The following MACROD2 variants were observed in gnomAD, a reference collection of about 807,000 sequenced individuals.
MACROD2 encodes ADP-ribose glycohydrolase MACROD2.
A neutral mutation model predicts 70.4 loss-of-function variants in MACROD2; 36 were observed. The observed-to-expected ratio is 0.51, with a 90% confidence interval of 0.39 to 0.68. The LOEUF (loss-of-function observed/expected upper bound fraction) is 0.68. Ranked by LOEUF, MACROD2 falls within the 30% of genes least tolerant of loss-of-function variation. The pLI is 0.00. For synonymous variants in MACROD2, 172 were observed against 178.8 expected (o/e 0.96, Z 0.30); for missense variants, 496 against 538.4 (o/e 0.92, Z 0.78).
intron 8 of MACROD2, among the ~76,000 whole-genome samples, chr20:15,510,577 T>C (rs1337398985): frequency 6.6e-6 from 1 of 152,188 alleles, no homozygotes; most frequent in Admixed American, 6.5e-5. Context: ...AGCTGAACCA[T>C]CTCATTGTTT....
At chr20:15,560,299 C>T (rs1374487515) in intron 8 of MACROD2, among the ~76,000 whole-genome samples, 5 of 152,120 alleles carry the variant, frequency 3.3e-5, no homozygotes, top group African/African-American at 1.2e-4. Flanking sequence ...CTCTGTACTA[C>T]TCAGGTCACT....
chr20:14,347,116 A>G (rs2083071932), intron 3 of MACROD2, among the ~76,000 whole-genome samples: 1 of 152,232 alleles, frequency 6.6e-6, no homozygotes, highest in Admixed American at 6.5e-5. Context: ...GAAAGCAGCT[A>G]GAGGAAAAGT....
chr20:15,988,253 A>C (rs61077479), intron 15 of MACROD2, among the ~76,000 whole-genome samples: 4,454 of 152,248 alleles, frequency 0.029, 256 homozygotes, highest in East Asian at 0.23. Context: ...TAAGTCAAAT[A>C]AAGGGTATAT....
chr20:15,388,424 A>G (rs2045749266), intron 6 of MACROD2, among the ~76,000 whole-genome samples: 1 of 152,140 alleles, frequency 6.6e-6, no homozygotes, highest in Non-Finnish European at 1.5e-5. Context: ...CCTTAATAGA[A>G]AGTGCTTCTT....
At chr20:15,077,763 G>T (rs1054359410) in intron 5 of MACROD2, among the ~76,000 whole-genome samples, 6 of 152,112 alleles carry the variant, frequency 3.9e-5, no homozygotes, top group Non-Finnish European at 8.8e-5. Context: ...TTTCTTACCA[G>T]TGCAGCTGAC....
intron 6 of MACROD2, among the ~76,000 whole-genome samples, chr20:15,272,864 C>G (rs1164860779): frequency 6.6e-6 from 1 of 152,146 alleles, no homozygotes; most frequent in Non-Finnish European, 1.5e-5. Context: ...ATCAACCTGC[C>G]CATCCAATGC....
At chr20:14,187,014 A>G (rs914971958) in intron 3 of MACROD2, among the ~76,000 whole-genome samples, 2 of 152,040 alleles carry the variant, frequency 1.3e-5, no homozygotes, top group African/African-American at 4.8e-5. Flanking sequence ...TGTGTTTACC[A>G]CCTGGGTGAC....
chr20:15,716,552 A>C (rs2050710343), intron 8 of MACROD2, among the ~76,000 whole-genome samples: 1 of 152,218 alleles, frequency 6.6e-6, no homozygotes, highest in Admixed American at 6.5e-5. Flanking sequence ...ACTGAGTTTG[A>C]GGTTTTTAAA....
At chr20:14,501,053 A>C (rs907286574) in intron 4 of MACROD2, among the ~76,000 whole-genome samples, 1 of 151,874 alleles carries the variant, frequency 6.6e-6, no homozygotes, top group African/African-American at 2.4e-5. Flanking sequence ...AAAAACAAAA[A>C]CCCAAACTTC....
At chr20:14,313,812 T>G (rs1403724348) in intron 3 of MACROD2, among the ~76,000 whole-genome samples, 1 of 152,186 alleles carries the variant, frequency 6.6e-6, no homozygotes, top group African/African-American at 2.4e-5. Context: ...AACCAGTGAA[T>G]AGACTGTCTC....
At chr20:14,078,836 T>C (rs1256797527) in intron 2 of MACROD2, among the ~76,000 whole-genome samples, 3 of 152,214 alleles carry the variant, frequency 2.0e-5, no homozygotes, top group African/African-American at 4.8e-5. Flanking sequence ...GTGGGAAACA[T>C]TGTCAAGTAA....
chr20:14,195,322 T>C (rs574235907), intron 3 of MACROD2, among the ~76,000 whole-genome samples: 84 of 152,158 alleles, frequency 5.5e-4, no homozygotes, highest in African/African-American at 1.9e-3. Context: ...CTTTCATTTG[T>C]GTGGGCTGTT....
In MACROD2 at chr20:15,322,940, C is replaced by G. The variant is rs182316393; in HGVS notation, c.540+92879C>G. Among the ~76,000 whole-genome samples the G allele has an allele frequency of 3.6e-4, 52 of 144,134 alleles. 11 individuals carry two copies. The highest frequency in any genetic ancestry group is 6.3e-5 in the Non-Finnish European group (4 of 63,668). The allele number at this position is 144,134 out of a possible 152,430, so 94.6% of individuals were successfully genotyped here. On this transcript the variant is annotated intron_variant, in intron 6 of 17. Transcript: ENST00000684519. ...AAGGAAGGAATTTTGTCTGGAAAGT[C>G]AGATCTGAATTCTGGTCCTGCCTCT...
chr20:15,677,229 T>G (rs1308811175), intron 8 of MACROD2, among the ~76,000 whole-genome samples: 1 of 152,220 alleles, frequency 6.6e-6, no homozygotes, highest in Non-Finnish European at 1.5e-5. Context: ...AAATGTTTAA[T>G]TTTTATCCTA....
At chr20:14,068,708 T>C (rs2053800494) in intron 2 of MACROD2, among the ~76,000 whole-genome samples, 1 of 151,936 alleles carries the variant, frequency 6.6e-6, no homozygotes, top group Non-Finnish European at 1.5e-5. Flanking sequence ...AGAGGATGTA[T>C]TGAGGAAAAG....
At chr20:14,658,733 C>A (rs1370014025) in intron 4 of MACROD2, among the ~76,000 whole-genome samples, 2 of 152,160 alleles carry the variant, frequency 1.3e-5, no homozygotes, top group Non-Finnish European at 2.9e-5. Flanking sequence ...CCTGGCTCAG[C>A]CTCCTCAGTA....
Position 14,082,177 on chromosome 20 carries a change from C to CTTTTTTTTTTTTTT in MACROD2, c.164-3438_164-3425dup, listed in dbSNP as rs66918191. On this transcript the variant is annotated intron_variant, in intron 2 of 17. Transcript: ENST00000684519. ...TTTTCCCATACCTTTCTTTTTTTTT[C>CTTTTTTTTTTTTTT]TTTTTTTTTTTTTTTTTTTGAGATG... Among the ~76,000 whole-genome samples, 99 of 93,196 alleles carry CTTTTTTTTTTTTTT rather than the reference C, an allele frequency of 1.1e-3. 1 individual carries two copies. Among genetic ancestry groups the CTTTTTTTTTTTTTT allele is most frequent in the African/African-American group, 2.0e-3 (46 of 22,606 alleles). The allele number at this position is 93,196 out of a possible 152,430, so 61.1% of individuals were successfully genotyped here. A position where few individuals can be genotyped will look rare whatever the true frequency, so the allele number is the denominator to read the frequency against.
chr20:14,984,631 A>G (rs1458695152), intron 5 of MACROD2, among the ~76,000 whole-genome samples: 2 of 152,184 alleles, frequency 1.3e-5, no homozygotes, highest in Non-Finnish European at 2.9e-5. Context: ...GTAGTAAGTA[A>G]TTAGCACAGG....
At chr20:15,712,943 C>G (rs2050650498) in intron 8 of MACROD2, among the ~76,000 whole-genome samples, 1 of 152,210 alleles carries the variant, frequency 6.6e-6, no homozygotes, top group Non-Finnish European at 1.5e-5. Flanking sequence ...TGCAACTAGG[C>G]TTCACCTCCA....
Sources: gnomAD v4.1 joint callset for allele counts (sites outside exome capture counted in the v4.1 genomes callset) on GRCh38, gnomAD v4.1.1 for gene constraint, MANE v1.5 for transcripts, NCBI Gene and HGNC (gene_info 2026-07-23, HGNC 2026-07-21) for gene names.